The following KCNQ1 variants were observed in gnomAD, a reference collection of about 807,000 sequenced individuals.
KCNQ1 encodes potassium voltage-gated channel subfamily Q member 1.
KCNQ1 carries 49 observed loss-of-function variants against 72.4 expected under a neutral mutation model. The observed-to-expected ratio is 0.68, with a 90% CI of 0.54 to 0.86. The LOEUF (loss-of-function observed/expected upper bound fraction) is 0.86, where lower values mean the gene tolerates loss of function less well. Ranked by LOEUF, KCNQ1 falls within the 40% of genes least tolerant of loss-of-function variation. The probability of loss-of-function intolerance (pLI) is 0.00; values close to 1 mark genes in which losing one functional copy is unlikely to be tolerated. For missense variants in KCNQ1, 790 were observed against 945.1 expected, an observed-to-expected ratio of 0.84 and a Z score of 2.15; for synonymous variants, 450 against 412.6, an observed-to-expected ratio of 1.09 and a Z score of -1.10.
At position 2,600,724 on chromosome 11, in the gene KCNQ1, C is replaced by T. The variant is rs1848792328; in HGVS notation, c.1393+11870C>T. On this transcript the variant is annotated intron_variant, in intron 10 of 15. Coordinates refer to ENST00000155840, the MANE Select transcript of KCNQ1 (RefSeq NM_000218.3). The surrounding 1 kb of genome is among the most constrained non-coding windows in gnomAD (Gnocchi z 5.6). ...TTTTCCTCCACTGCAAGATCCAGTT[C>T]AGGGTCAGTACTGCCTTTAGATGTG... Among the ~76,000 whole-genome samples the T allele has an allele frequency of 6.6e-6, 1 of 152,202 alleles. No homozygotes were observed. The highest frequency in any genetic ancestry group is 1.5e-5 in the Non-Finnish European group (1 of 68,042).
At chr11:2,751,614 G>A (rs1846226886) in intron 11 of KCNQ1, among the ~76,000 whole-genome samples, 1 of 152,276 alleles carries the variant, frequency 6.6e-6, no homozygotes, top group Non-Finnish European at 1.5e-5. Context: ...AAACGGGGCG[G>A]CGACCCTCGT....
chr11:2,512,183 G>A (rs73419552), intron 1 of KCNQ1, among the ~76,000 whole-genome samples: 2,708 of 152,308 alleles, frequency 0.018, 85 homozygotes, highest in African/African-American at 0.062. Flanking sequence ...AGCTCGCTGA[G>A]CACTTGGCCT....
chr11:2,733,200 TCCCACCCCCACC>T (rs1329529196), intron 11 of KCNQ1, among the ~76,000 whole-genome samples: 1 of 92,212 alleles, frequency 1.1e-5, no homozygotes, highest in African/African-American at 4.1e-5. Flanking sequence ...TGAGATCCAC[TCCCACCCCCACC>T]CCCACCCCCA....
chr11:2,566,658 G>A lies in KCNQ1; in HGVS notation c.478-3970G>A, dbSNP rs1013688978. Among the ~76,000 whole-genome samples the A allele has an allele frequency of 3.9e-5, 6 of 152,132 alleles. No homozygotes were observed. The highest frequency in any genetic ancestry group is 1.3e-4 in the Admixed American group (2 of 15,274). On this transcript the variant is annotated intron_variant, in intron 2 of 15. Transcript: ENST00000155840. The surrounding 1 kb of genome is among the most constrained non-coding windows in gnomAD (Gnocchi z 6.7). Reference sequence around the variant, plus strand: ...GCCTCCTTGTCCCTTTGGTCTGTTTGTGGTCTCAGTGGAGACCAAGGACGG... The same window carrying A: ...GCCTCCTTGTCCCTTTGGTCTGTTTATGGTCTCAGTGGAGACCAAGGACGG...
chr11:2,648,983 T>TTTTTTTTTTTTTTTTTTTTTTCC (rs1849713091), intron 10 of KCNQ1: 1 of 20,084 alleles, frequency 5.0e-5, no homozygotes, highest in African/African-American at 1.7e-4. Flanking sequence ...TTCTTTTTCT[T>TTTTTTTTTTTTTTTTTTTTTTCC]TTTTTTTTTT....
At chr11:2,573,059 G>A in intron 6 of KCNQ1, 73 bp downstream of exon 6, 1 of 1,539,116 alleles carries the variant, frequency 6.5e-7, no homozygotes, top group Non-Finnish European at 8.8e-7. Context: ...TCTGGGCACT[G>A]GTGTCTTGAG....
rs529246348 is a variant in KCNQ1 at position 2,633,533 on chromosome 11, G to C, written c.1394-28428G>C. The C allele has an allele frequency of 1.7e-4, 67 of 398,478 alleles. No homozygotes were observed. The Middle Eastern group carries it at 1.9e-3, about 11-fold the overall frequency. 24.7% of individuals were successfully genotyped at this position (398,478 alleles called of 1,614,324 possible). A position where few individuals can be genotyped will look rare whatever the true frequency, so the allele number is the denominator to read the frequency against. ...TGTTTAAGTCTCTAATCAATTTTGAGTTGATTTTTTTATATGCTGAGAGAT... is the reference window on the plus strand; with the variant it reads ...TGTTTAAGTCTCTAATCAATTTTGACTTGATTTTTTTATATGCTGAGAGAT... On this transcript the variant is annotated intron_variant, in intron 10 of 15. Coordinates refer to ENST00000155840, the MANE Select transcript of KCNQ1 (RefSeq NM_000218.3).
At position 2,498,104 on chromosome 11, in the gene KCNQ1, G is replaced by A. The variant is rs1001695065; in HGVS notation, c.387-29824G>A. ...CAGAGCTCTCCTGTTTGAGGTGTCT[G>A]TTGACCCCTGTTGGGAGGTCTTGCC... is the stretch of plus-strand genomic sequence containing the variant. On this transcript the variant is annotated intron_variant, in intron 1 of 15. Coordinates refer to ENST00000155840, the MANE Select transcript of KCNQ1 (RefSeq NM_000218.3). This position sits in a 1 kb window ranked among gnomAD's most constrained non-coding sequence, Gnocchi z 4.8. 1.3e-5 allele frequency among the ~76,000 whole-genome samples: 2 copies of A among 152,192 alleles called. No individual in the cohort carries two copies. The highest frequency in any genetic ancestry group is 4.8e-5 in the African/African-American group (2 of 41,450).
At position 2,492,185 on chromosome 11, in the gene KCNQ1, A is replaced by G. The variant is rs1846846479; in HGVS notation, c.387-35743A>G. ...TACACAGAAATACAAATAGTATTAT[A>G]ACACTGTAATTATGGTGTGTAAACT... On this transcript the variant is annotated intron_variant, in intron 1 of 15. Coordinates refer to ENST00000155840, the MANE Select transcript of KCNQ1 (RefSeq NM_000218.3). This position sits in a 1 kb window ranked among gnomAD's most constrained non-coding sequence, Gnocchi z 4.1. Among the ~76,000 whole-genome samples the G allele has an allele frequency of 6.6e-6, 1 of 152,250 alleles. No homozygotes were observed. Among genetic ancestry groups the G allele is most frequent in the Non-Finnish European group, 1.5e-5 (1 of 68,050 alleles).
Position 2,782,613 on chromosome 11 carries a change from C to A in KCNQ1, c.1794+4576C>A, listed in dbSNP as rs1846842355. Reference sequence around the variant, plus strand: ...GTGGGAAGATTCATCATTCCTGATTCAATCGCTCTAATAATTATGGACTGT... The same window carrying A: ...GTGGGAAGATTCATCATTCCTGATTAAATCGCTCTAATAATTATGGACTGT... On this transcript the variant is annotated intron_variant, in intron 15 of 15. Transcript: ENST00000155840. The surrounding 1 kb of genome is among the most constrained non-coding windows in gnomAD (Gnocchi z 6.1). Among the ~76,000 whole-genome samples the A allele has an allele frequency of 6.6e-6, 1 of 152,164 alleles. No individual in the cohort carries two copies. The highest frequency in any genetic ancestry group is 2.4e-5 in the African/African-American group (1 of 41,432).
At chr11:2,660,796 T>A in intron 10 of KCNQ1, 1 of 398,632 alleles carries the variant, frequency 2.5e-6, no homozygotes, top group Non-Finnish European at 4.4e-6. Context: ...GAAAGCAATC[T>A]AGCAACATTT....
intron 15 of KCNQ1, among the ~76,000 whole-genome samples, chr11:2,833,640 C>T (rs1397183889): frequency 6.6e-6 from 1 of 152,232 alleles, no homozygotes; most frequent in Non-Finnish European, 1.5e-5. Context: ...TTTGCAGCCC[C>T]TGTCTTGCAG....
chr11:2,640,985 A>C lies in KCNQ1; in HGVS notation c.1394-20976A>C, dbSNP rs1159457840. The C allele has an allele frequency of 1.8e-5, 7 of 398,500 alleles. No homozygotes were observed. In the East Asian group the frequency reaches 2.5e-4, roughly 14 times the overall value. The allele number at this position is 398,500 out of a possible 1,614,324, so 24.7% of individuals were successfully genotyped here. On this transcript the variant is annotated intron_variant, in intron 10 of 15. Coordinates refer to ENST00000155840, the MANE Select transcript of KCNQ1 (RefSeq NM_000218.3). ...CTCCAGCTCCATTCATGTTGCTGCAAAGGACATGATTTCATTCTTCTTTGG... is the reference window on the plus strand; with the variant it reads ...CTCCAGCTCCATTCATGTTGCTGCACAGGACATGATTTCATTCTTCTTTGG...
At chr11:2,459,230 G>A (rs916880941) in intron 1 of KCNQ1, among the ~76,000 whole-genome samples, 1 of 152,212 alleles carries the variant, frequency 6.6e-6, no homozygotes, top group African/African-American at 2.4e-5. Flanking sequence ...TCCTCTGGGC[G>A]CCCCGTGGCG....
intron 6 of KCNQ1, among the ~76,000 whole-genome samples, chr11:2,582,190 C>G (rs1391982395): frequency 6.6e-6 from 1 of 152,218 alleles, no homozygotes; most frequent in East Asian, 1.9e-4. Flanking sequence ...TGTGGCAGTT[C>G]TGGGCAGTCG....
At position 2,486,446 on chromosome 11, in the gene KCNQ1, G is replaced by A. The variant is rs967809507; in HGVS notation, c.386+40962G>A. Among the ~76,000 whole-genome samples the A allele has an allele frequency of 5.3e-5, 8 of 152,048 alleles. No homozygotes were observed. The highest frequency in any genetic ancestry group is 1.4e-4 in the African/African-American group (6 of 41,388). ...CAAATATTTTCTCTCATTCTGTGGG[G>A]TGCCTTTTTACTCCGTTGATAGTGT... On this transcript the variant is annotated intron_variant, in intron 1 of 15. Coordinates refer to ENST00000155840, the MANE Select transcript of KCNQ1 (RefSeq NM_000218.3). The surrounding 1 kb of genome is among the most constrained non-coding windows in gnomAD (Gnocchi z 5.0).
Position 2,711,607 on chromosome 11 carries a change from T to A in KCNQ1, c.1514+49526T>A, listed in dbSNP as rs1306950567. ...CACCAACCTCTGTACCCCACGGCCA[T>A]GCACAAGGCACAGGGTCCCACAGAG... On this transcript the variant is annotated intron_variant, in intron 11 of 15. Coordinates refer to ENST00000155840, the MANE Select transcript of KCNQ1 (RefSeq NM_000218.3). This position sits in a 1 kb window ranked among gnomAD's most constrained non-coding sequence, Gnocchi z 5.4. Among the ~76,000 whole-genome samples, 1 of 152,102 alleles carries A rather than the reference T, an allele frequency of 6.6e-6. No homozygotes were observed. Among genetic ancestry groups the A allele is most frequent in the East Asian group, 1.9e-4 (1 of 5,180 alleles).
intron 1 of KCNQ1, among the ~76,000 whole-genome samples, chr11:2,522,694 T>C (rs1452618249): frequency 6.6e-6 from 1 of 152,266 alleles, no homozygotes; most frequent in Non-Finnish European, 1.5e-5. Flanking sequence ...ATGGCAAGGC[T>C]GACAGCCAGC....
rs942314644 is a variant in KCNQ1 at position 2,482,582 on chromosome 11, C to T, written c.386+37098C>T. ...GCTCTGACACCTTTGGCCAAATCAC[C>T]TTCCGGGAGTGTTTTCCTAATTTAG... On this transcript the variant is annotated intron_variant, in intron 1 of 15. Transcript: ENST00000155840. This position sits in a 1 kb window ranked among gnomAD's most constrained non-coding sequence, Gnocchi z 5.7. Among the ~76,000 whole-genome samples, 7 of 152,150 alleles carry T rather than the reference C, an allele frequency of 4.6e-5. No homozygotes were observed. The highest frequency in any genetic ancestry group is 1.7e-4 in the African/African-American group (7 of 41,426).
Sources: allele counts gnomAD v4.1 joint callset (sites outside exome capture counted in the v4.1 genomes callset), GRCh38; gene constraint gnomAD v4.1.1; non-coding constraint Gnocchi (gnomAD v3.1); transcripts MANE v1.5; gene names NCBI Gene and HGNC (gene_info 2026-07-23, HGNC 2026-07-21).